The following NPEPPS variants were observed in gnomAD, a reference collection of about 807,000 sequenced individuals.
The protein encoded by NPEPPS is puromycin-sensitive aminopeptidase.
A neutral mutation model predicts 115.5 loss-of-function variants in NPEPPS; 14 were observed. That is an observed-to-expected ratio of 0.12 (90% CI 0.08 to 0.19). The LOEUF is 0.19. Ranked by LOEUF, NPEPPS falls within the 10% of genes least tolerant of loss-of-function variation. NPEPPS has a pLI of 1.00. For synonymous variants in NPEPPS, 285 were observed against 390.6 expected (o/e 0.73, Z 3.19); for missense variants, 523 against 1,110.8 (o/e 0.47, Z 7.52).
chr17:47,530,057 C>G (rs1206906087), upstream of NPEPPS, among the ~76,000 whole-genome samples: 1 of 147,602 alleles, frequency 6.8e-6, no homozygotes, highest in Non-Finnish European at 1.5e-5. Context: ...CTACCTCAGC[C>G]TCCCGAATAG....
chr17:47,523,625 G>A (rs1270282314), intron 1 of NPEPPS, among the ~76,000 whole-genome samples: 3 of 152,136 alleles, frequency 2.0e-5, no homozygotes, highest in East Asian at 3.9e-4. Context: ...GTTTCACCAT[G>A]TTCGCCAGGC....
At chr17:47,555,839 AT>A (rs1006244987) in intron 2 of NPEPPS, among the ~76,000 whole-genome samples, 2 of 151,958 alleles carry the variant, frequency 1.3e-5, no homozygotes, top group African/African-American at 2.4e-5. Flanking sequence ...GGCCAAGGGA[AT>A]TATTATCTTG....
chr17:47,604,143 G>T, intron 16 of NPEPPS, 94 bp downstream of exon 16: 1 of 1,231,872 alleles, frequency 8.1e-7, no homozygotes, highest in Admixed American at 2.4e-5. Context: ...GAAGAATATG[G>T]GTCTTCATGA....
intron 5 of NPEPPS, 117 bp downstream of exon 5, chr17:47,582,966 A>G: frequency 1.9e-6 from 1 of 532,168 alleles, no homozygotes; most frequent in Non-Finnish European, 3.3e-6. Context: ...TTATAGGAAC[A>G]TAAATATTAG....
chr17:47,600,876 A>G (rs1022928940), intron 14 of NPEPPS, among the ~76,000 whole-genome samples: 1 of 152,106 alleles, frequency 6.6e-6, no homozygotes, highest in Admixed American at 6.6e-5. Context: ...ACCCTTCGAT[A>G]TTTCAGCAGT....
At chr17:47,559,465 CTT>C (rs918607124) in intron 2 of NPEPPS, 1 of 192,444 alleles carries the variant, frequency 5.2e-6, no homozygotes, top group African/African-American at 2.4e-5. Context: ...TTTAAAGTAA[CTT>C]CGCGTTACTT....
chr17:47,569,652 C>G (rs868364187), intron 3 of NPEPPS, among the ~76,000 whole-genome samples, 158 bp downstream of exon 3: 2 of 148,092 alleles, frequency 1.4e-5, no homozygotes, highest in African/African-American at 5.0e-5. Context: ...GAGTCTTACT[C>G]TATTGCCCAG....
At chr17:47,596,773 C>T (rs1284545645) in intron 13 of NPEPPS, among the ~76,000 whole-genome samples, 1 of 152,152 alleles carries the variant, frequency 6.6e-6, no homozygotes, top group Admixed American at 6.5e-5. Flanking sequence ...TTAGGCCGGG[C>T]GTGGTGGCTC....
At chr17:47,575,614 A>G (rs1303345768) in intron 3 of NPEPPS, among the ~76,000 whole-genome samples, 1 of 142,806 alleles carries the variant, frequency 7.0e-6, no homozygotes, top group African/African-American at 2.5e-5. Context: ...TATTATTATT[A>G]TTATTTTTGA....
intron 20 of NPEPPS, 84 bp from the exon 21 acceptor site, chr17:47,618,925 C>G (rs1914371253): frequency 2.5e-6 from 3 of 1,210,496 alleles, no homozygotes; most frequent in Admixed American, 2.0e-5. Flanking sequence ...AGTGTGATTA[C>G]TTCAGTGTCA....
intron 1 of NPEPPS, among the ~76,000 whole-genome samples, chr17:47,525,873 A>C (rs1348584061): frequency 1.3e-5 from 2 of 152,182 alleles, no homozygotes; most frequent in African/African-American, 4.8e-5. Flanking sequence ...ACAAGCTCTT[A>C]CTAGTAGTAC....
chr17:47,547,703 T>G (rs1409186585), intron 2 of NPEPPS, among the ~76,000 whole-genome samples: 1 of 152,002 alleles, frequency 6.6e-6, no homozygotes, highest in Admixed American at 6.6e-5. Context: ...GTCAAAATGG[T>G]TATTGGTTAC....
rs374392914 is a variant in NPEPPS at position 47,585,643 on chromosome 17, G to A, written c.792G>A (p.Val264=). The A allele has an allele frequency of 1.1e-5, 18 of 1,613,970 alleles. No individual in the cohort carries two copies. In the Admixed American group the frequency reaches 1.7e-4, roughly 15 times the overall value. Residue 264 remains valine (V), a synonymous_variant, in exon 6 of 23, where the codon GTG becomes GTA. Transcript: ENST00000322157. Reference sequence around the variant, plus strand: ...TAGAAACAAGGTCAAAAGATGGTGTGTGTGTCCGTGTTTACACTCCTGTTG... The same window carrying A: ...TAGAAACAAGGTCAAAAGATGGTGTATGTGTCCGTGTTTACACTCCTGTTG... ...DFVETRSKDG[V]CVRVYTPVGK... is the part of the protein sequence containing the mutation.
chr17:47,619,227 A>G, intron 21 of NPEPPS, 63 bp downstream of exon 21: 2 of 1,426,118 alleles, frequency 1.4e-6, no homozygotes, highest in Non-Finnish European at 1.9e-6. Flanking sequence ...TCCATGATTC[A>G]CTACACCCAT....
At chr17:47,596,234 T>A in intron 12 of NPEPPS, 119 bp from the exon 13 acceptor site, 1 of 602,938 alleles carries the variant, frequency 1.7e-6, no homozygotes, top group South Asian at 2.5e-5. Context: ...GCTCACTGTT[T>A]CCTGAACCTG....
At chr17:47,576,180 A>G (rs1168374874) in intron 3 of NPEPPS, among the ~76,000 whole-genome samples, 3 of 152,110 alleles carry the variant, frequency 2.0e-5, no homozygotes, top group Non-Finnish European at 4.4e-5. Context: ...AAATTACCAT[A>G]ATTATTGTAA....
rs1914591930 is a variant in NPEPPS at position 47,621,811 on chromosome 17, T to C, written c.2651T>C (p.Ile884Thr). 1 of 1,613,776 alleles carries C rather than the reference T, an allele frequency of 6.2e-7. No homozygotes were observed. The highest frequency in any genetic ancestry group is 1.7e-5 in the Admixed American group (1 of 60,008). Residue 884 changes from isoleucine to threonine, a missense_variant, in exon 23 of 23, where the codon ATC (isoleucine) becomes ACC (threonine). Around this residue, in one of 4 missense-constraint regions of NPEPPS, gnomAD observed 372 missense variants for 542.6 expected, o/e 0.69. Coordinates refer to ENST00000322157, the MANE Select transcript of NPEPPS (RefSeq NM_006310.4). ...CCAGCTCCTTCAGCTGAGCGTACCA[T>C]CCAGCAGTGTTGTGAAAATATTCTG... ...SHPAPSAERT[I>T]QQCCENILLN...
chr17:47,551,010 T>C (rs1909612218), intron 2 of NPEPPS, among the ~76,000 whole-genome samples: 1 of 152,214 alleles, frequency 6.6e-6, no homozygotes. Flanking sequence ...ACTATTTAGC[T>C]TTGTTACAGA....
chr17:47,531,880 G>T (rs1309138076), intron 1 of NPEPPS, among the ~76,000 whole-genome samples: 2 of 152,154 alleles, frequency 1.3e-5, no homozygotes, highest in Non-Finnish European at 2.9e-5. Flanking sequence ...CCCCCGCCCC[G>T]GACCCTTCTG....
Sources: gnomAD v4.1 joint callset for allele counts (sites outside exome capture counted in the v4.1 genomes callset) on GRCh38, gnomAD v4.1.1 for gene constraint, gnomAD v4.1.1 regional missense constraint, MANE v1.5 for transcripts, NCBI Gene and HGNC (gene_info 2026-07-23, HGNC 2026-07-21) for gene names.